The following HCN1 variants were observed in gnomAD, a reference collection of about 807,000 sequenced individuals.
HCN1 encodes hyperpolarization activated cyclic nucleotide gated potassium channel 1, also known as potassium/sodium hyperpolarization-activated cyclic nucleotide-gated channel 1.
In HCN1, 13 loss-of-function variants were observed where a neutral mutation model predicts 78.9. The observed-to-expected ratio is 0.16, with a 90% confidence interval of 0.11 to 0.26. The LOEUF (loss-of-function observed/expected upper bound fraction) is 0.26. Ranked by LOEUF, HCN1 falls within the 10% of genes least tolerant of loss-of-function variation. The pLI is 1.00. For missense variants in HCN1, 810 were observed against 1,154.3 expected, an observed-to-expected ratio of 0.70 and a Z score of 4.32; for synonymous variants, 552 against 455.5, an observed-to-expected ratio of 1.21 and a Z score of -2.70.
chr5:45,483,372 T>G (rs917968766), intron 2 of HCN1, among the ~76,000 whole-genome samples: 57 of 152,322 alleles, frequency 3.7e-4, no homozygotes, highest in African/African-American at 1.3e-3. Flanking sequence ...ATTTCTCTCA[T>G]GATTAGTGAT....
chr5:45,471,069 GA>G (rs2111650754), intron 2 of HCN1, among the ~76,000 whole-genome samples: 1 of 152,010 alleles, frequency 6.6e-6, no homozygotes, highest in East Asian at 1.9e-4. Flanking sequence ...ATTCTAGATT[GA>G]AAATAATTTT....
intron 5 of HCN1, among the ~76,000 whole-genome samples, chr5:45,349,806 C>T (rs2111978061): frequency 6.6e-6 from 1 of 152,166 alleles, no homozygotes; most frequent in South Asian, 2.1e-4. Context: ...CACATACACC[C>T]TCCCAAGACT....
chr5:45,669,565 C>T (rs1200325429), intron 1 of HCN1, among the ~76,000 whole-genome samples: 2 of 151,628 alleles, frequency 1.3e-5, no homozygotes, highest in Non-Finnish European at 2.9e-5. Flanking sequence ...ATGAGTCCTC[C>T]AAAGGGGAAA....
intron 1 of HCN1, among the ~76,000 whole-genome samples, chr5:45,678,267 T>C (rs1256777333): frequency 6.6e-6 from 1 of 151,922 alleles, no homozygotes; most frequent in Non-Finnish European, 1.5e-5. Flanking sequence ...AACGGTACCA[T>C]AGTTAATGGA....
chr5:45,523,901 T>C (rs1369351905), intron 2 of HCN1, among the ~76,000 whole-genome samples: 1 of 152,226 alleles, frequency 6.6e-6, no homozygotes, highest in Non-Finnish European at 1.5e-5. Flanking sequence ...TTTGTTGCCA[T>C]TGCTTTTGGG....
intron 3 of HCN1, among the ~76,000 whole-genome samples, chr5:45,439,376 A>G (rs1481113560): frequency 6.6e-6 from 1 of 152,152 alleles, no homozygotes; most frequent in African/African-American, 2.4e-5. Context: ...AAAAAATAAT[A>G]TTATTGGGGA....
intron 4 of HCN1, among the ~76,000 whole-genome samples, chr5:45,374,666 T>C (rs954357499): frequency 1.3e-5 from 2 of 150,424 alleles, no homozygotes; most frequent in African/African-American, 4.9e-5. Context: ...ATCATCCTGA[T>C]ACCAAAACCC....
intron 5 of HCN1, among the ~76,000 whole-genome samples, chr5:45,313,544 A>C (rs1745906798): frequency 1.3e-5 from 2 of 152,340 alleles, no homozygotes; most frequent in East Asian, 3.9e-4. Flanking sequence ...TGAGAGAAGA[A>C]GGCTTCAGAC....
chr5:45,487,092 G>C (rs1192066607), intron 2 of HCN1, among the ~76,000 whole-genome samples: 1 of 152,026 alleles, frequency 6.6e-6, no homozygotes, highest in Non-Finnish European at 1.5e-5. Flanking sequence ...AATTGTAAAG[G>C]ATACAGCAAA....
In HCN1 at chr5:45,444,112, A is replaced by T. The variant is rs538835162; in HGVS notation, c.1011+17734T>A. 9.2e-5 allele frequency among the ~76,000 whole-genome samples: 14 copies of T among 152,282 alleles called. No individual in the cohort carries two copies. In the South Asian group the frequency reaches 2.7e-3, roughly 29 times the overall value. On this transcript the variant is annotated intron_variant, in intron 3 of 7. Transcript: ENST00000303230. ...CTCTTGTTCAATTCATCATAATTTC[A>T]TCCTTTCTGCTACACTTTTGGCAGG...
chr5:45,334,085 T>C (rs1746402219), intron 5 of HCN1, among the ~76,000 whole-genome samples: 1 of 151,896 alleles, frequency 6.6e-6, no homozygotes, highest in Non-Finnish European at 1.5e-5. Context: ...AAAATAGTCA[T>C]GGTTATTATA....
rs1745087071 is a variant in HCN1 at position 45,277,491 on chromosome 5, G to A, written c.1619-10238C>T. Among the ~76,000 whole-genome samples, 3 of 152,014 alleles carry A rather than the reference G, an allele frequency of 2.0e-5. No individual in the cohort carries two copies. In the South Asian group the frequency reaches 6.2e-4, roughly 32 times the overall value. On this transcript the variant is annotated intron_variant, in intron 6 of 7. Coordinates refer to ENST00000303230, the MANE Select transcript of HCN1 (RefSeq NM_021072.4). ...AAAACAAAACAAAAAAACAATGCTAGGCTGTGTCTGTCCTAGGAGTGAATA... is the reference window on the plus strand; with the variant it reads ...AAAACAAAACAAAAAAACAATGCTAAGCTGTGTCTGTCCTAGGAGTGAATA...
intron 3 of HCN1, among the ~76,000 whole-genome samples, chr5:45,434,673 T>C (rs529691917): frequency 9.9e-4 from 151 of 152,280 alleles, no homozygotes; most frequent in African/African-American, 3.5e-3. Context: ...TTTTGTCAAA[T>C]TTTGGCACAT....
intron 4 of HCN1, among the ~76,000 whole-genome samples, chr5:45,380,471 A>G (rs1747783799): frequency 6.6e-6 from 1 of 152,126 alleles, no homozygotes. Flanking sequence ...TTCTGGAATA[A>G]TTTAAGTTAC....
intron 4 of HCN1, among the ~76,000 whole-genome samples, chr5:45,375,239 A>G (rs1747592683): frequency 1.7e-5 from 2 of 116,396 alleles, no homozygotes; most frequent in African/African-American, 3.5e-5. Context: ...ATAATATATA[A>G]TATATTATAC....
At chr5:45,344,375 C>T (rs1746653251) in intron 5 of HCN1, among the ~76,000 whole-genome samples, 2 of 152,110 alleles carry the variant, frequency 1.3e-5, no homozygotes, top group African/African-American at 4.8e-5. Flanking sequence ...CTCATGTCCT[C>T]ACATTTCCAA....
intron 2 of HCN1, among the ~76,000 whole-genome samples, chr5:45,498,626 G>A (rs1463629142): frequency 1.3e-5 from 2 of 152,220 alleles, no homozygotes; most frequent in African/African-American, 4.8e-5. Context: ...CGTTGCTGGT[G>A]AGGAGCTGCG....
intron 1 of HCN1, among the ~76,000 whole-genome samples, chr5:45,692,515 C>A (rs1272840329): frequency 1.3e-5 from 2 of 152,144 alleles, no homozygotes; most frequent in Admixed American, 1.3e-4. Context: ...GTTGTGTTTA[C>A]TAAATTCTGT....
At chr5:45,441,757 T>C (rs1740684938) in intron 3 of HCN1, among the ~76,000 whole-genome samples, 1 of 152,208 alleles carries the variant, frequency 6.6e-6, no homozygotes, top group South Asian at 2.1e-4. Context: ...CTGTTTATTA[T>C]GGCTATGGAT....
Sources: allele counts gnomAD v4.1 joint callset (sites outside exome capture counted in the v4.1 genomes callset), GRCh38; gene constraint gnomAD v4.1.1; transcripts MANE v1.5; gene names NCBI Gene and HGNC (gene_info 2026-07-23, HGNC 2026-07-21).